Variants in NBEA observed in about 807,000 individuals in gnomAD.
NBEA encodes neurobeachin, also known as lysosomal-trafficking regulator 2.
In NBEA, 44 loss-of-function variants were observed where a neutral mutation model predicts 343.4. That is an observed-to-expected ratio of 0.13 (90% confidence interval 0.10 to 0.16). The LOEUF (loss-of-function observed/expected upper bound fraction) is 0.16. Ranked by LOEUF, NBEA falls within the 10% of genes least tolerant of loss-of-function variation. The pLI is 1.00. For synonymous variants in NBEA, 1,175 were observed against 1,238.7 expected (o/e 0.95, Z 1.08); for missense variants, 2,555 against 3,631.3 (o/e 0.70, Z 7.62).
intron 34 of NBEA, among the ~76,000 whole-genome samples, chr13:35,266,169 A>G (rs552665032): frequency 6.6e-4 from 100 of 151,906 alleles, no homozygotes; most frequent in African/African-American, 2.3e-3. Flanking sequence ...TTAAATATAA[A>G]TATTACCAAA....
chr13:35,144,967 C>G (rs765489487), intron 18 of NBEA, among the ~76,000 whole-genome samples: 4 of 152,144 alleles, frequency 2.6e-5, no homozygotes, highest in Non-Finnish European at 4.4e-5. Context: ...GGTAGGTATC[C>G]TTTGATGGAG....
intron 38 of NBEA, among the ~76,000 whole-genome samples, chr13:35,367,206 T>G (rs2152879667): frequency 6.6e-6 from 1 of 151,408 alleles, no homozygotes; most frequent in African/African-American, 2.4e-5. Context: ...GCATTTTTAG[T>G]AGCTACTTAG....
chr13:35,299,021 A>G (rs1257960602), intron 35 of NBEA, among the ~76,000 whole-genome samples: 4 of 152,054 alleles, frequency 2.6e-5, no homozygotes, highest in African/African-American at 7.2e-5. Flanking sequence ...TTTTCACCCT[A>G]CAGAGTGTTT....
chr13:35,271,169 G>C (rs1383026919), intron 34 of NBEA, among the ~76,000 whole-genome samples: 2 of 152,120 alleles, frequency 1.3e-5, no homozygotes, highest in African/African-American at 4.8e-5. Flanking sequence ...TCAGGCAGCA[G>C]TATTTGCTGT....
chr13:35,387,491 A>G (rs73502732), intron 38 of NBEA, among the ~76,000 whole-genome samples: 1,838 of 152,174 alleles, frequency 0.012, 45 homozygotes, highest in African/African-American at 0.042. Flanking sequence ...CTTTATTACC[A>G]AAAACAACGA....
At chr13:35,017,846 G>A (rs755093321) in intron 1 of NBEA, among the ~76,000 whole-genome samples, 60 of 152,008 alleles carry the variant, frequency 3.9e-4, no homozygotes, top group Non-Finnish European at 6.8e-4. Context: ...AAAAATATTT[G>A]CATAATCCAA....
At chr13:35,195,176 AT>A (rs1461513309) in intron 30 of NBEA, among the ~76,000 whole-genome samples, 2 of 152,128 alleles carry the variant, frequency 1.3e-5, no homozygotes, top group Non-Finnish European at 2.9e-5. Flanking sequence ...ATAGAGAAAT[AT>A]AAGAATTTCT....
rs115144934 is a variant in NBEA, at chr13:35,649,738, T to C, written c.7854T>C (p.Ser2618=). The change falls in exon 52 of 59, where the codon TCT becomes TCC. Residue 2618 remains serine (S), a synonymous_variant. Transcript: ENST00000379939. ...TGGTGCTGAAGTTTCCTTCAAATTC[T>C]CCAGTAACCCATGTGGCAGCCAACA... is the stretch of plus-strand genomic sequence containing the variant. ...VIMVLKFPSN[S]PVTHVAANTL... 6.9e-4 allele frequency: 1,118 copies of C among 1,613,994 alleles called. 8 individuals carry two copies. The African/African-American group carries it at 0.013, about 19-fold the overall frequency.
rs145714646 is a variant in NBEA, at chr13:35,283,197, C to G, written c.5777-7192C>G. Among the ~76,000 whole-genome samples the G allele has an allele frequency of 2.2e-3, 339 of 152,086 alleles. 2 individuals carry two copies. The highest frequency in any genetic ancestry group is 6.8e-3 in the Middle Eastern group (2 of 294). ...CAATTCTGGCATTATGTAAAAAATT[C>G]TCAGCAGAAGCAAAACTATAAAAAA... is the stretch of plus-strand genomic sequence containing the variant. On this transcript the variant is annotated intron_variant, in intron 34 of 58. Transcript: ENST00000379939.
intron 48 of NBEA, among the ~76,000 whole-genome samples, chr13:35,624,742 A>G (rs2083145820): frequency 6.6e-6 from 1 of 152,018 alleles, no homozygotes; most frequent in South Asian, 2.1e-4. Context: ...AGAGAGAGCA[A>G]AAGAATATAA....
chr13:35,512,534 G>A (rs890936617), intron 41 of NBEA, among the ~76,000 whole-genome samples: 10 of 152,164 alleles, frequency 6.6e-5, no homozygotes, highest in Admixed American at 2.0e-4. Context: ...ATCTCTGAGC[G>A]TTCTTTTCTT....
intron 17 of NBEA, among the ~76,000 whole-genome samples, chr13:35,127,000 A>G (rs911516178): frequency 2.6e-5 from 4 of 152,078 alleles, no homozygotes; most frequent in Admixed American, 2.0e-4. Context: ...ATGGAACAAA[A>G]CGAATATTTA....
intron 39 of NBEA, among the ~76,000 whole-genome samples, chr13:35,438,194 T>C (rs2045545751): frequency 1.3e-5 from 2 of 152,198 alleles, no homozygotes; most frequent in Admixed American, 1.3e-4. Context: ...TGCTGAGAAC[T>C]GCAAATGAGA....
chr13:35,248,879 G>T (rs1299276291), intron 34 of NBEA, among the ~76,000 whole-genome samples: 1 of 152,170 alleles, frequency 6.6e-6, no homozygotes, highest in Non-Finnish European at 1.5e-5. Context: ...GCCGAGCGTG[G>T]TAGCTCATGC....
chr13:35,590,740 A>G (rs2081499151), intron 46 of NBEA, among the ~76,000 whole-genome samples: 2 of 152,260 alleles, frequency 1.3e-5, no homozygotes, highest in East Asian at 1.9e-4. Context: ...CACTACCTAC[A>G]GTGAAAATTA....
intron 10 of NBEA, among the ~76,000 whole-genome samples, chr13:35,082,194 A>G (rs2064447056): frequency 6.6e-6 from 1 of 151,868 alleles, no homozygotes; most frequent in Non-Finnish European, 1.5e-5. Flanking sequence ...TGAGATAGTT[A>G]GCTGAGAATG....
chr13:35,541,339 C>G (rs1484166344), intron 41 of NBEA, among the ~76,000 whole-genome samples: 1 of 151,966 alleles, frequency 6.6e-6, no homozygotes, highest in Non-Finnish European at 1.5e-5. Flanking sequence ...ATCAGGGACT[C>G]TGCTTCTCCT....
intron 18 of NBEA, among the ~76,000 whole-genome samples, chr13:35,144,437 C>T (rs2068289239): frequency 6.6e-6 from 1 of 152,088 alleles, no homozygotes; most frequent in Non-Finnish European, 1.5e-5. Flanking sequence ...TCCATCAAAT[C>T]CAGTGCCATA....
intron 36 of NBEA, among the ~76,000 whole-genome samples, chr13:35,348,749 A>C (rs1364901211): frequency 6.6e-6 from 1 of 152,066 alleles, no homozygotes; most frequent in Non-Finnish European, 1.5e-5. Context: ...TTGATTTCCT[A>C]AAGTGTGGTC....
Sources: allele counts gnomAD v4.1 joint callset (sites outside exome capture counted in the v4.1 genomes callset), GRCh38; gene constraint gnomAD v4.1.1; transcripts MANE v1.5; gene names NCBI Gene and HGNC (gene_info 2026-07-23, HGNC 2026-07-21).